The following ATG16L2 variants were observed in gnomAD, a reference collection of about 807,000 sequenced individuals.
ATG16L2 encodes the protein protein Atg16l2.
In ATG16L2, 77 loss-of-function variants were observed where a neutral mutation model predicts 84.7. The ratio of observed to expected loss-of-function variants is 0.91; its 90% CI spans 0.76 to 1.10. ATG16L2 has a LOEUF of 1.10. Ranked by LOEUF, ATG16L2 falls within the 50% of genes least tolerant of loss-of-function variation. The pLI is 0.00. For synonymous variants in ATG16L2, 361 were observed against 342.8 expected, an observed-to-expected ratio of 1.05 and a Z score of -0.59; for missense variants, 782 against 817.6, an observed-to-expected ratio of 0.96 and a Z score of 0.53.
rs749926518 is a variant in ATG16L2 at position 72,829,297 on chromosome 11, C to T, written c.1773-6C>T. 19 of 1,612,606 alleles carry T rather than the reference C, an allele frequency of 1.2e-5. No homozygotes were observed. The highest frequency in any genetic ancestry group is 1.5e-5 in the Non-Finnish European group (18 of 1,179,266). Reference sequence around the variant, plus strand: ...CCCCCTGAAGCCTGCCCCTCCCTTTCCCCAGCGCTGCCGTCAACGCCGTGG... The same window carrying T: ...CCCCCTGAAGCCTGCCCCTCCCTTTTCCCAGCGCTGCCGTCAACGCCGTGG... On this transcript the variant is annotated splice_polypyrimidine_tract_variant and splice_region_variant and intron_variant, in intron 17 of 17. Coordinates refer to ENST00000321297, the MANE Select transcript of ATG16L2 (RefSeq NM_033388.2).
At chr11:72,817,470 C>T (rs931591340) in intron 2 of ATG16L2, among the ~76,000 whole-genome samples, 1 of 152,202 alleles carries the variant, frequency 6.6e-6, no homozygotes, top group Non-Finnish European at 1.5e-5. Flanking sequence ...CCTTCCACCT[C>T]GGCCTCCCAA....
In ATG16L2 at chr11:72,814,414, A is replaced by T; in HGVS notation, c.-32A>T. ...CCGGCCTGGCGCCGTCCTGGGCGGG[A>T]GGAACGCGCCGCTAGGCGGGAGAGC... is the stretch of plus-strand genomic sequence containing the variant. On this transcript the variant is annotated 5_prime_UTR_variant, in exon 1 of 18. Transcript: ENST00000321297. 7.3e-7 allele frequency: 1 copy of T among 1,369,780 alleles called. No individual in the cohort carries two copies. Among genetic ancestry groups the T allele is most frequent in the Non-Finnish European group, 9.6e-7 (1 of 1,044,976 alleles). 84.9% of individuals were successfully genotyped at this position (1,369,780 alleles called of 1,614,324 possible).
chr11:72,815,888 A>T (rs1413225686), intron 1 of ATG16L2: 4 of 152,010 alleles, frequency 2.6e-5, no homozygotes, highest in African/African-American at 9.7e-5. Context: ...CAAACCACCA[A>T]CCTCCAGAAT....
chr11:72,824,017 C>T (rs896109077), intron 7 of ATG16L2, 43 bp from the exon 8 acceptor site: 1 of 1,609,582 alleles, frequency 6.2e-7, no homozygotes, highest in Admixed American at 1.7e-5. Flanking sequence ...TTTGTACACA[C>T]ACCAGCCAGT....
At chr11:72,817,214 T>G (rs1859746484) in intron 2 of ATG16L2, among the ~76,000 whole-genome samples, 1 of 151,622 alleles carries the variant, frequency 6.6e-6, no homozygotes, top group Non-Finnish European at 1.5e-5. Context: ...AGGAATAGGT[T>G]GGGGCTCAGA....
chr11:72,817,787 C>G lies in ATG16L2; in HGVS notation c.250C>G (p.Pro84Ala). ...EESELDSDQV[P>A]SLVALRVKWQ... ...GTCAGAGCTTGACTCAGACCAAGTC[C>G]CATCACTGGTCGCACTGAGGGTGAA... Residue 84 changes from proline (P) to alanine (A), a missense_variant, in exon 3 of 18, where the codon CCA (proline) becomes GCA (alanine). Transcript: ENST00000321297. The G allele has an allele frequency of 1.2e-6, 2 of 1,613,636 alleles. No individual in the cohort carries two copies. The highest frequency in any genetic ancestry group is 1.7e-6 in the Non-Finnish European group (2 of 1,180,014).
intron 10 of ATG16L2, 94 bp downstream of exon 10, chr11:72,825,501 G>A (rs538427308): frequency 6.4e-6 from 6 of 940,870 alleles, no homozygotes; most frequent in East Asian, 2.4e-5. Context: ...GGATCTCTTT[G>A]TGTTTCTCTA....
intron 5 of ATG16L2, chr11:72,838,948 C>T (rs1860819132): frequency 4.4e-6 from 6 of 1,376,248 alleles, no homozygotes; most frequent in African/African-American, 2.9e-5. Flanking sequence ...AAAACCTAAT[C>T]ACTCATCTGT....
At chr11:72,837,005 G>A (rs887265312) in intron 5 of ATG16L2, 12 of 152,272 alleles carry the variant, frequency 7.9e-5, no homozygotes, top group African/African-American at 2.9e-4. Context: ...ATAACCCTTT[G>A]AGGTTGTGGA....
chr11:72,824,906 C>CCT, intron 9 of ATG16L2, 64 bp downstream of exon 9: 1 of 1,396,856 alleles, frequency 7.2e-7, no homozygotes, highest in Non-Finnish European at 9.7e-7. Flanking sequence ...CAGGGGTGGT[C>CCT]TCGGCACCAG....
chr11:72,822,708 C>G lies in ATG16L2; in HGVS notation c.711-140C>G. ...CAGAGGACCGTGTGGTCGTAGGAGC[C>G]TGCATGCGTGACCGCTGCACGTGTA... On this transcript the variant is annotated intron_variant, in intron 6 of 17. Transcript: ENST00000321297. This position sits in a 1 kb window ranked among gnomAD's most constrained non-coding sequence, Gnocchi z 4.2. The G allele has an allele frequency of 1.9e-6, 2 of 1,066,326 alleles. No homozygotes were observed. The highest frequency in any genetic ancestry group is 2.7e-6 in the Non-Finnish European group (2 of 737,148). The allele number at this position is 1,066,326 out of a possible 1,614,324, so 66.1% of individuals were successfully genotyped here. A position where few individuals can be genotyped will look rare whatever the true frequency, so the allele number is the denominator to read the frequency against.
chr11:72,836,223 G>T (rs546854689), intron 5 of ATG16L2, among the ~76,000 whole-genome samples: 2 of 152,350 alleles, frequency 1.3e-5, no homozygotes, highest in South Asian at 4.1e-4. Flanking sequence ...AAGCCAGGGG[G>T]ACTCAGCCTT....
intron 5 of ATG16L2, chr11:72,838,558 G>A (rs1860802800): frequency 5.4e-6 from 3 of 555,588 alleles, no homozygotes; most frequent in South Asian, 2.1e-5. Flanking sequence ...CCTAGGGTCC[G>A]CTAGGATTTG....
rs1425601938 is a variant in ATG16L2, at chr11:72,829,039, T to C, written c.1772+55T>C. 3.2e-6 allele frequency: 5 copies of C among 1,567,310 alleles called. No individual in the cohort carries two copies. In the African/African-American group the frequency reaches 6.8e-5, roughly 21 times the overall value. On this transcript the variant is annotated intron_variant, in intron 17 of 17. Coordinates refer to ENST00000321297, the MANE Select transcript of ATG16L2 (RefSeq NM_033388.2). The stretch of plus-strand genomic sequence containing the variant: ...CTGGCCCCAGTCCTGCCAGGCTGAT[T>C]CCAGGTTCTGACATACTGGGACCCT...
At chr11:72,819,463 A>G (rs1187657185) in intron 3 of ATG16L2, among the ~76,000 whole-genome samples, 1 of 152,244 alleles carries the variant, frequency 6.6e-6, no homozygotes, top group Non-Finnish European at 1.5e-5. Flanking sequence ...ATGCTTGTAA[A>G]CAAGTCAAGA....
chr11:72,837,727 C>T (rs1038570707), intron 5 of ATG16L2: 4 of 152,248 alleles, frequency 2.6e-5, no homozygotes, highest in African/African-American at 4.8e-5. Context: ...TGGTTTCCTC[C>T]ACGAGCCACC....
At chr11:72,840,786 A>C in intron 5 of ATG16L2, 1 of 939,228 alleles carries the variant, frequency 1.1e-6, no homozygotes, top group Non-Finnish European at 1.7e-6. Flanking sequence ...CATAGTCAGT[A>C]ACAACACAGG....
At chr11:72,828,636 AC>A (rs1860501572) in intron 15 of ATG16L2, 92 bp from the exon 16 acceptor site, 4 of 1,593,348 alleles carry the variant, frequency 2.5e-6, no homozygotes, top group Admixed American at 3.4e-5. Flanking sequence ...GAGGTACCAA[AC>A]CCCTCGACAA....
chr11:72,835,097 T>C (rs1161276398), intron 5 of ATG16L2, among the ~76,000 whole-genome samples: 1 of 152,212 alleles, frequency 6.6e-6, no homozygotes, highest in East Asian at 1.9e-4. Context: ...GTTCCTGTGA[T>C]GAAGGAGACC....
Sources: gnomAD v4.1 joint callset for allele counts (sites outside exome capture counted in the v4.1 genomes callset) on GRCh38, gnomAD v4.1.1 for gene constraint, Gnocchi (gnomAD v3.1) non-coding constraint, MANE v1.5 for transcripts, NCBI Gene and HGNC (gene_info 2026-07-23, HGNC 2026-07-21) for gene names.